Variants in COLEC12 observed in about 807,000 individuals in gnomAD.
The protein encoded by COLEC12 is collectin subfamily member 12, also known as collectin-12.
COLEC12 carries 33 observed loss-of-function variants against 71.1 expected under a neutral mutation model. That is an observed-to-expected ratio of 0.46 (90% CI 0.35 to 0.62). The LOEUF (loss-of-function observed/expected upper bound fraction) is 0.62. COLEC12 is among the 20% of genes least tolerant of loss of function. The pLI is 0.00. For synonymous variants in COLEC12, 350 were observed against 353.0 expected (o/e 0.99, Z 0.10); for missense variants, 765 against 916.1 (o/e 0.84, Z 2.13).
At chr18:434,577 T>C (rs1916367573) in intron 2 of COLEC12, among the ~76,000 whole-genome samples, 1 of 152,212 alleles carries the variant, frequency 6.6e-6, no homozygotes, top group African/African-American at 2.4e-5. Context: ...CTGACAGTTC[T>C]TTGTCACTGT....
intron 2 of COLEC12, among the ~76,000 whole-genome samples, chr18:402,775 C>T (rs953087980): frequency 6.6e-6 from 1 of 151,748 alleles, no homozygotes; most frequent in Non-Finnish European, 1.5e-5. Context: ...GCAGGAAGTA[C>T]ATAAAATTGG....
At chr18:397,803 G>A (rs535386271) in intron 2 of COLEC12, among the ~76,000 whole-genome samples, 178 of 152,314 alleles carry the variant, frequency 1.2e-3, no homozygotes, top group African/African-American at 4.2e-3. Context: ...CCTTGAATTT[G>A]AGAACTTGTA....
intron 2 of COLEC12, among the ~76,000 whole-genome samples, chr18:371,419 A>G (rs1914996364): frequency 6.6e-6 from 1 of 152,130 alleles, no homozygotes; most frequent in Middle Eastern, 3.2e-3. Flanking sequence ...CTCACTTCCC[A>G]GACACGCCGC....
chr18:373,059 G>A (rs572170323), intron 2 of COLEC12, among the ~76,000 whole-genome samples: 1 of 152,304 alleles, frequency 6.6e-6, no homozygotes, highest in Admixed American at 6.5e-5. Context: ...TCTGATGGTA[G>A]CCATGGTGAA....
chr18:419,892 A>C (rs1916062840), intron 2 of COLEC12, among the ~76,000 whole-genome samples: 1 of 152,204 alleles, frequency 6.6e-6, no homozygotes, highest in Non-Finnish European at 1.5e-5. Context: ...TTCCAAGCTA[A>C]GCCTTAAGAG....
intron 2 of COLEC12, among the ~76,000 whole-genome samples, chr18:452,828 C>T (rs550389355): frequency 1.3e-5 from 2 of 152,336 alleles, no homozygotes; most frequent in East Asian, 3.9e-4. Context: ...TGCCTATGAG[C>T]TTTGGCCACA....
rs542629966 is a variant in COLEC12, at chr18:487,857, C to T, written c.8-7100G>A. On this transcript the variant is annotated intron_variant, in intron 1 of 9. Coordinates refer to ENST00000400256, the MANE Select transcript of COLEC12 (RefSeq NM_130386.3). ...AGTGATGGTCACAATTCACAAAATC[C>T]ACCAGCACAAAAGTTTCCAATTGAC... 7.2e-5 allele frequency among the ~76,000 whole-genome samples: 11 copies of T among 152,248 alleles called. No individual in the cohort carries two copies. The East Asian group carries it at 1.9e-3, about 27-fold the overall frequency.
At chr18:355,997 T>C (rs968915978) in intron 3 of COLEC12, among the ~76,000 whole-genome samples, 1 of 152,228 alleles carries the variant, frequency 6.6e-6, no homozygotes, top group Non-Finnish European at 1.5e-5. Flanking sequence ...CAGATTTCCA[T>C]TGTCCAAACT....
chr18:500,474 C>CG lies in COLEC12; in HGVS notation c.7+33dup, dbSNP rs1273928685. On this transcript the variant is annotated intron_variant, in intron 1 of 9. Coordinates refer to ENST00000400256, the MANE Select transcript of COLEC12 (RefSeq NM_130386.3). This position sits in a 1 kb window ranked among gnomAD's most constrained non-coding sequence, Gnocchi z 5.3. ...CGCGCGCCCCGAAGCCCGTTCCCCC[C>CG]GCCCAGAGCCCCGCGGAGCTGCCGC... is the stretch of plus-strand genomic sequence containing the variant. 9.8e-6 allele frequency: 12 copies of CG among 1,225,628 alleles called. No homozygotes were observed. In the East Asian group the frequency reaches 2.3e-4, roughly 23 times the overall value. The allele number at this position is 1,225,628 out of a possible 1,614,324, so 75.9% of individuals were successfully genotyped here. A position where few individuals can be genotyped will look rare whatever the true frequency, so the allele number is the denominator to read the frequency against.
At chr18:431,722 C>T (rs1916308171) in intron 2 of COLEC12, among the ~76,000 whole-genome samples, 1 of 152,120 alleles carries the variant, frequency 6.6e-6, no homozygotes, top group Admixed American at 6.5e-5. Flanking sequence ...AGGAGGAGTG[C>T]CAGGGCTCCT....
chr18:458,675 C>A (rs1916918116), intron 2 of COLEC12, among the ~76,000 whole-genome samples: 1 of 152,230 alleles, frequency 6.6e-6, no homozygotes, highest in South Asian at 2.1e-4. Flanking sequence ...TATTTTGGAC[C>A]TCTTCATCTA....
intron 1 of COLEC12, among the ~76,000 whole-genome samples, chr18:493,640 A>G (rs1917657764): frequency 6.6e-6 from 1 of 152,210 alleles, no homozygotes; most frequent in Admixed American, 6.5e-5. Flanking sequence ...TATTTTATTC[A>G]TTTTATTTGG....
intron 2 of COLEC12, among the ~76,000 whole-genome samples, chr18:478,110 G>A (rs1011463393): frequency 2.0e-5 from 3 of 152,048 alleles, no homozygotes; most frequent in African/African-American, 7.2e-5. Flanking sequence ...TCCACTTTAG[G>A]GTTCCAGAGC....
chr18:331,802 C>A (rs143514151), intron 7 of COLEC12, 25 bp from the exon 8 acceptor site: 8 of 1,431,154 alleles, frequency 5.6e-6, no homozygotes, highest in Non-Finnish European at 7.9e-6. Flanking sequence ...AGGGGTGGTG[C>A]GTGACTATTT....
chr18:410,520 C>T (rs1279771761), intron 2 of COLEC12, among the ~76,000 whole-genome samples: 3 of 151,884 alleles, frequency 2.0e-5, no homozygotes, highest in Admixed American at 2.0e-4. Context: ...CTCAATGCAA[C>T]CTCCACCTCC....
rs1375705191 is a variant in COLEC12, at chr18:319,339, AAAATAT to A, written c.*700_*705del. On this transcript the variant is annotated 3_prime_UTR_variant, in exon 10 of 10. Transcript: ENST00000400256. ...GAAACATTAAAAAAAAAAAAAAAAA[AAAATAT>A]ATATATATATATATATATACACATG... 4 of 40,540 alleles carry A rather than the reference AAAATAT, an allele frequency of 9.9e-5. No homozygotes were observed. The highest frequency in any genetic ancestry group is 2.5e-4 in the African/African-American group (4 of 16,142). The allele number at this position is 40,540 out of a possible 1,614,324, so 2.5% of individuals were successfully genotyped here.
intron 2 of COLEC12, among the ~76,000 whole-genome samples, chr18:410,962 G>A (rs1286871218): frequency 1.3e-5 from 2 of 152,170 alleles, no homozygotes; most frequent in Non-Finnish European, 2.9e-5. Context: ...CTGTTGGGCT[G>A]TACCCCACTG....
Position 346,552 on chromosome 18 carries a change from A to G in COLEC12, c.1070T>C (p.Leu357Pro). 1.9e-6 allele frequency: 3 copies of G among 1,614,188 alleles called. No homozygotes were observed. The highest frequency in any genetic ancestry group is 1.3e-5 in the African/African-American group (1 of 75,040). ...ATTTAGATTGCTGGTCAGCGTCCGC[A>G]GGTGGTGGGCTGTGTAACTGATATT... The part of the protein sequence containing the change: ...ISNISYTAHH[L>P]RTLTSNLNEV... Residue 357 changes from leucine (L) to proline (P), a missense_variant, in exon 5 of 10, where the codon CTG (leucine) becomes CCG (proline). Physicochemically the swap from Leu to Pro is moderately conservative, Grantham distance 98. Transcript: ENST00000400256. The surrounding 1 kb of genome is among the most constrained non-coding windows in gnomAD (Gnocchi z 4.0).
At chr18:404,472 T>A (rs1006691445) in intron 2 of COLEC12, among the ~76,000 whole-genome samples, 6 of 152,134 alleles carry the variant, frequency 3.9e-5, no homozygotes, top group African/African-American at 1.4e-4. Context: ...TGTTACTGAA[T>A]AAAGCAAAAT....
Sources: allele counts gnomAD v4.1 joint callset (sites outside exome capture counted in the v4.1 genomes callset), GRCh38; gene constraint gnomAD v4.1.1; non-coding constraint Gnocchi (gnomAD v3.1); transcripts MANE v1.5; gene names NCBI Gene and HGNC (gene_info 2026-07-23, HGNC 2026-07-21).